LHFPL4: variants seen among roughly 807,000 people sequenced by gnomAD.
The protein encoded by LHFPL4 is LHFPL tetraspan subfamily member 4 protein.
LHFPL4 carries 6 observed loss-of-function variants against 20.0 expected under a neutral mutation model. The observed-to-expected ratio is 0.30, with a 90% CI of 0.16 to 0.59. LHFPL4 has a LOEUF of 0.59. Among genes scored for constraint, LHFPL4 ranks in the 20% least tolerant of loss-of-function variants. The pLI is 0.88. For synonymous variants in LHFPL4, 129 were observed against 143.8 expected (o/e 0.90, Z 0.74); for missense variants, 215 against 331.2 (o/e 0.65, Z 2.72).
chr3:9,536,935 A>T (rs1401270750), intron 2 of LHFPL4, among the ~76,000 whole-genome samples: 2 of 149,812 alleles, frequency 1.3e-5, no homozygotes, highest in African/African-American at 4.9e-5. Context: ...AAAAAAAAAA[A>T]TTCAGCCGGG....
chr3:9,506,564 C>CATT lies in LHFPL4; in HGVS notation c.407-364_407-362dup, dbSNP rs201867489. 3.7e-3 allele frequency among the ~76,000 whole-genome samples: 563 copies of CATT among 152,208 alleles called. 5 individuals carry two copies. Among genetic ancestry groups the CATT allele is most frequent in the African/African-American group, 0.013 (530 of 41,508 alleles). On this transcript the variant is annotated intron_variant, in intron 2 of 3. Transcript: ENST00000287585. This position sits in a 1 kb window ranked among gnomAD's most constrained non-coding sequence, Gnocchi z 4.5. ...CTCCCTCTCCCATCTCTCCCATCCT[C>CATT]ATTATTATTATTATTGTTGTCGTTG...
chr3:9,509,593 G>A (rs2046243987), intron 2 of LHFPL4, among the ~76,000 whole-genome samples: 1 of 152,202 alleles, frequency 6.6e-6, no homozygotes, highest in Non-Finnish European at 1.5e-5. Context: ...CACATGTCAA[G>A]GTGTGCTTCA....
Position 9,537,326 on chromosome 3 carries a change from G to C in LHFPL4, c.406+14948C>G, listed in dbSNP as rs1351661592. Among the ~76,000 whole-genome samples, 3 of 152,122 alleles carry C rather than the reference G, an allele frequency of 2.0e-5. No homozygotes were observed. The East Asian group carries it at 5.8e-4, about 29-fold the overall frequency. On this transcript the variant is annotated intron_variant, in intron 2 of 3. Coordinates refer to ENST00000287585, the MANE Select transcript of LHFPL4 (RefSeq NM_198560.3). ...CTAAGTCATTCAGTCTCAACTCGTG[G>C]TTCCAGACCTTGAGGGGCTCACAGT...
intron 2 of LHFPL4, among the ~76,000 whole-genome samples, chr3:9,531,536 G>T (rs946432858): frequency 5.9e-5 from 9 of 152,204 alleles, no homozygotes; most frequent in African/African-American, 2.2e-4. Context: ...GGGCATGGTG[G>T]ATCATGCCTG....
intron 2 of LHFPL4, among the ~76,000 whole-genome samples, chr3:9,513,775 G>C (rs934090888): frequency 3.9e-5 from 6 of 152,146 alleles, no homozygotes; most frequent in African/African-American, 1.4e-4. Flanking sequence ...GCGTCACTGG[G>C]CAAGTCCCTT....
At chr3:9,515,254 G>A (rs1238612011) in intron 2 of LHFPL4, among the ~76,000 whole-genome samples, 1 of 152,212 alleles carries the variant, frequency 6.6e-6, no homozygotes. Context: ...TGCATATGAT[G>A]TGGAACGTCT....
At chr3:9,553,170 A>G (rs2046568408) in intron 1 of LHFPL4, among the ~76,000 whole-genome samples, 2 of 151,210 alleles carry the variant, frequency 1.3e-5, no homozygotes, top group South Asian at 4.2e-4. Flanking sequence ...ATTAAGGGGT[A>G]GAAGGAGGTC....
At chr3:9,521,977 T>C (rs978836142) in intron 2 of LHFPL4, among the ~76,000 whole-genome samples, 1 of 152,180 alleles carries the variant, frequency 6.6e-6, no homozygotes, top group African/African-American at 2.4e-5. Context: ...TTCCTGTCTT[T>C]TGTGGTTTTA....
chr3:9,525,738 T>A (rs535841651), intron 2 of LHFPL4, among the ~76,000 whole-genome samples: 141 of 152,126 alleles, frequency 9.3e-4, no homozygotes, highest in Non-Finnish European at 1.3e-3. Flanking sequence ...ATCATAATTT[T>A]AAAAAAAATC....
intron 3 of LHFPL4, among the ~76,000 whole-genome samples, chr3:9,503,931 C>A (rs923014229): frequency 6.6e-6 from 1 of 152,172 alleles, no homozygotes; most frequent in Non-Finnish European, 1.5e-5. Flanking sequence ...GAGGCTGAGG[C>A]AGGAGAATCG....
chr3:9,523,999 C>T (rs908439925), intron 2 of LHFPL4, among the ~76,000 whole-genome samples: 1 of 130,496 alleles, frequency 7.7e-6, no homozygotes. Flanking sequence ...CCCCCCAACA[C>T]TTTAAATATT....
chr3:9,535,115 A>G (rs2046437151), intron 2 of LHFPL4, among the ~76,000 whole-genome samples: 1 of 152,232 alleles, frequency 6.6e-6, no homozygotes, highest in Admixed American at 6.5e-5. Flanking sequence ...ATACTGAGGA[A>G]GGTTTAATGA....
intron 2 of LHFPL4, among the ~76,000 whole-genome samples, chr3:9,543,561 T>C (rs1354905810): frequency 1.3e-5 from 2 of 152,002 alleles, no homozygotes; most frequent in Non-Finnish European, 1.5e-5. Context: ...AGGATGACTG[T>C]AGCCCCAGCT....
intron 2 of LHFPL4, among the ~76,000 whole-genome samples, chr3:9,532,029 AGTT>A (rs2046412494): frequency 1.3e-5 from 2 of 151,904 alleles, no homozygotes; most frequent in African/African-American, 4.8e-5. Context: ...ATTGCTTTTT[AGTT>A]GTTGTGGTTT....
chr3:9,523,352 G>C (rs2125660559), intron 2 of LHFPL4, among the ~76,000 whole-genome samples: 1 of 151,162 alleles, frequency 6.6e-6, no homozygotes, highest in African/African-American at 2.4e-5. Flanking sequence ...CTGGACTGTA[G>C]CTTGGGAGAC....
chr3:9,530,216 A>C (rs1006533256), intron 2 of LHFPL4, among the ~76,000 whole-genome samples: 2 of 152,118 alleles, frequency 1.3e-5, no homozygotes, highest in African/African-American at 4.8e-5. Flanking sequence ...GCTATAAAAG[A>C]CCTAGATGGC....
intron 2 of LHFPL4, among the ~76,000 whole-genome samples, chr3:9,527,580 G>A (rs528257236): frequency 2.6e-5 from 4 of 151,924 alleles, no homozygotes; most frequent in African/African-American, 4.8e-5. Flanking sequence ...TGGTACAAGC[G>A]CCTGTAGTCT....
chr3:9,527,036 AGAAG>A (rs1410726543), intron 2 of LHFPL4, among the ~76,000 whole-genome samples: 3 of 152,260 alleles, frequency 2.0e-5, no homozygotes, highest in East Asian at 3.9e-4. Context: ...GGAAGGAGAC[AGAAG>A]GAAGGAAAGG....
At chr3:9,543,076 A>G (rs1559523319) in intron 2 of LHFPL4, among the ~76,000 whole-genome samples, 1 of 152,216 alleles carries the variant, frequency 6.6e-6, no homozygotes, top group African/African-American at 2.4e-5. Flanking sequence ...TGGGTGAATT[A>G]TATGACATAT....
Sources: allele counts gnomAD v4.1 joint callset (sites outside exome capture counted in the v4.1 genomes callset), GRCh38; gene constraint gnomAD v4.1.1; non-coding constraint Gnocchi (gnomAD v3.1); transcripts MANE v1.5; gene names NCBI Gene and HGNC (gene_info 2026-07-23, HGNC 2026-07-21).